POT1: variants seen among roughly 807,000 people sequenced by gnomAD.
POT1 encodes protection of telomeres 1, also known as protection of telomeres protein 1.
Under a neutral mutation model 78.5 loss-of-function variants are expected in POT1, and 47 were observed. That is an observed-to-expected ratio of 0.60 (90% CI 0.47 to 0.76). POT1 has a LOEUF of 0.76. POT1 is among the 30% of genes least tolerant of loss of function. POT1 has a pLI of 0.00. For missense variants in POT1, 646 were observed against 749.9 expected (o/e 0.86, Z 1.62); for synonymous variants, 259 against 260.7 (o/e 0.99, Z 0.06).
intron 14 of POT1, among the ~76,000 whole-genome samples, chr7:124,836,784 TTG>T (rs1794909511): frequency 6.6e-6 from 1 of 152,214 alleles, no homozygotes; most frequent in African/African-American, 2.4e-5. Context: ...GAGTTAATAT[TTG>T]TAAAGCACTT....
At chr7:124,920,971 C>T (rs930471756) in intron 2 of POT1, among the ~76,000 whole-genome samples, 3 of 151,938 alleles carry the variant, frequency 2.0e-5, no homozygotes, top group African/African-American at 7.3e-5. Context: ...GTGGCATGTG[C>T]CTATAATCCC....
rs192468166 is a variant in POT1, at chr7:124,860,081, C to T, written c.547-969G>A. ...CATTATATCGAGTAATGTCTAGCTC[C>T]TCTGTTATTAAAAAATATAATTTAA... is the stretch of plus-strand genomic sequence containing the variant. On this transcript the variant is annotated intron_variant, in intron 8 of 18. Transcript: ENST00000357628. Among the ~76,000 whole-genome samples, 1,048 of 151,744 alleles carry T rather than the reference C, an allele frequency of 6.9e-3. 11 individuals are homozygous for T. Among genetic ancestry groups the T allele is most frequent in the African/African-American group, 0.024 (1,014 of 41,412 alleles).
intron 5 of POT1, among the ~76,000 whole-genome samples, chr7:124,895,591 C>T (rs1488904792): frequency 3.3e-5 from 5 of 151,598 alleles, no homozygotes; most frequent in Middle Eastern, 3.4e-3. Flanking sequence ...ATGTACTATA[C>T]GGGGCACTAA....
At chr7:124,902,250 G>GA (rs1796639901) in intron 3 of POT1, among the ~76,000 whole-genome samples, 1 of 152,050 alleles carries the variant, frequency 6.6e-6, no homozygotes, top group Non-Finnish European at 1.5e-5. Flanking sequence ...TGAAATGAAG[G>GA]AAAAAATGTT....
chr7:124,914,851 T>A (rs1040898024), intron 3 of POT1, among the ~76,000 whole-genome samples: 2 of 152,198 alleles, frequency 1.3e-5, no homozygotes, highest in African/African-American at 4.8e-5. Context: ...ACTAATCTCA[T>A]GCATATACAG....
At chr7:124,903,952 C>A (rs1040372978) in intron 3 of POT1, among the ~76,000 whole-genome samples, 1 of 152,118 alleles carries the variant, frequency 6.6e-6, no homozygotes, top group South Asian at 2.1e-4. Flanking sequence ...CACACCCTCC[C>A]AAGACTAAAC....
At chr7:124,859,209 T>C (rs1021848095) in intron 8 of POT1, 97 bp from the exon 9 acceptor site, 5 of 857,616 alleles carry the variant, frequency 5.8e-6, no homozygotes, top group Non-Finnish European at 8.4e-6. Context: ...GTAATTAAAC[T>C]TATGCCTCTG....
At chr7:124,887,402 T>C (rs1796272102) in intron 6 of POT1, among the ~76,000 whole-genome samples, 1 of 152,100 alleles carries the variant, frequency 6.6e-6, no homozygotes, top group African/African-American at 2.4e-5. Context: ...GCAATGTTCA[T>C]TTACACACAG....
Position 124,835,334 on chromosome 7 carries a change from C to G in POT1, c.1450G>C (p.Glu484Gln), listed in dbSNP as rs756511762. ...AATGGTGCTGAAAGGTCCAAAAGTTCCAGGTCTTCGTGGCCAGATCTCACA... is the reference window on the plus strand; with the variant it reads ...AATGGTGCTGAAAGGTCCAAAAGTTGCAGGTCTTCGTGGCCAGATCTCACA... ...IPVRSGHEDL[E>Q]LLDLSAPFLI... The change falls in exon 15 of 19, where the codon GAA (glutamate) becomes CAA (glutamine). Residue 484 changes from glutamate (E) to glutamine (Q), a missense_variant. Transcript: ENST00000357628. The G allele has an allele frequency of 1.2e-6, 2 of 1,614,058 alleles. No homozygotes were observed. The highest frequency in any genetic ancestry group is 8.5e-7 in the Non-Finnish European group (1 of 1,179,992).
chr7:124,885,293 C>CAA (rs11372618), intron 6 of POT1, among the ~76,000 whole-genome samples: 18,645 of 63,010 alleles, frequency 0.3, 2,361 homozygotes, highest in South Asian at 0.37. Flanking sequence ...TCCATCTCTC[C>CAA]AAAAAAAAAA....
At chr7:124,891,724 G>C (rs961265537) in intron 6 of POT1, among the ~76,000 whole-genome samples, 1 of 151,404 alleles carries the variant, frequency 6.6e-6, no homozygotes, top group Admixed American at 6.6e-5. Flanking sequence ...TTTACATAAA[G>C]TACCTTATAT....
chr7:124,893,039 CTT>C (rs1252261122), intron 5 of POT1, among the ~76,000 whole-genome samples: 3 of 150,190 alleles, frequency 2.0e-5, no homozygotes, highest in African/African-American at 7.3e-5. Flanking sequence ...GTTTAGAAAA[CTT>C]TTTTTTTAAG....
rs1399674521 is a variant in POT1 at position 124,926,737 on chromosome 7, T to C, written c.-227+2078A>G. 3.9e-5 allele frequency among the ~76,000 whole-genome samples: 6 copies of C among 152,296 alleles called. No homozygotes were observed. The South Asian group carries it at 1.0e-3, about 26-fold the overall frequency. On this transcript the variant is annotated intron_variant, in intron 2 of 18. Coordinates refer to ENST00000357628, the MANE Select transcript of POT1 (RefSeq NM_015450.3). ...AAAGTCACATATGTACACAATACTA[T>C]TTAGACATTAAAAAGAATGAAATTA...
rs183190937 is a variant in POT1 at position 124,828,272 on chromosome 7, T to C, written c.1595-967A>G. 1.2e-4 allele frequency among the ~76,000 whole-genome samples: 18 copies of C among 152,298 alleles called. 1 individual carries two copies. The East Asian group carries it at 3.1e-3, about 26-fold the overall frequency. On this transcript the variant is annotated intron_variant, in intron 16 of 18. Coordinates refer to ENST00000357628, the MANE Select transcript of POT1 (RefSeq NM_015450.3). ...AAAAGAAAAAAGGGATATCATCTGG[T>C]TGAATGGACAAGAATGTCAGAATCT...
At chr7:124,847,100 A>T in intron 11 of POT1, 102 bp from the exon 12 acceptor site, 2 of 734,132 alleles carry the variant, frequency 2.7e-6, no homozygotes. Flanking sequence ...AATATAAATA[A>T]ATGGTGAGAT....
intron 10 of POT1, 61 bp from the exon 11 acceptor site, chr7:124,852,012 C>T (rs1182576770): frequency 1.8e-6 from 2 of 1,140,514 alleles, no homozygotes; most frequent in Non-Finnish European, 2.6e-6. Flanking sequence ...GTAAATTTAG[C>T]TCTACCCACA....
At chr7:124,913,329 T>C (rs1796936713) in intron 3 of POT1, among the ~76,000 whole-genome samples, 1 of 152,188 alleles carries the variant, frequency 6.6e-6, no homozygotes, top group Admixed American at 6.5e-5. Flanking sequence ...ATTGCTTATC[T>C]TTTTGTTGTT....
At chr7:124,845,375 A>C (rs1031071677) in intron 12 of POT1, among the ~76,000 whole-genome samples, 5 of 152,138 alleles carry the variant, frequency 3.3e-5, no homozygotes, top group African/African-American at 1.2e-4. Flanking sequence ...TGTAGAATAA[A>C]CACCAATTTG....
intron 9 of POT1, among the ~76,000 whole-genome samples, chr7:124,857,597 T>C (rs998911013): frequency 8.5e-5 from 13 of 152,158 alleles, no homozygotes; most frequent in Non-Finnish European, 1.5e-4. Flanking sequence ...GCAGCTTGAC[T>C]TCAGAGGGAC....
Sources: allele counts gnomAD v4.1 joint callset (sites outside exome capture counted in the v4.1 genomes callset), GRCh38; gene constraint gnomAD v4.1.1; transcripts MANE v1.5; gene names NCBI Gene and HGNC (gene_info 2026-07-23, HGNC 2026-07-21).